The following ZNF530 variants were observed in gnomAD, a reference collection of about 807,000 sequenced individuals.
The protein encoded by ZNF530 is zinc finger protein 530.
Under a neutral mutation model 2.8 loss-of-function variants are expected in ZNF530, and 5 were observed. The observed-to-expected ratio is 1.80, with a 90% CI of 0.94 to 3.78. ZNF530 has a LOEUF of 3.78. ZNF530 is among the 30% of genes most tolerant of loss of function. The pLI, the probability that ZNF530 is intolerant of heterozygous loss-of-function variation, is 0.00. For missense variants in ZNF530, 619 were observed against 673.3 expected (o/e 0.92, Z 0.89); for synonymous variants, 229 against 235.0 (o/e 0.97, Z 0.23).
chr19:57,605,593 C>A, intron 3 of ZNF530, 93 bp from the exon 4 acceptor site: 1 of 1,326,682 alleles, frequency 7.5e-7, no homozygotes, highest in Non-Finnish European at 1.0e-6. Flanking sequence ...ATCCTAAAAA[C>A]ATTTTCTTAG....
chr19:57,603,021 G>A (rs563181835), intron 2 of ZNF530, among the ~76,000 whole-genome samples: 16 of 152,272 alleles, frequency 1.1e-4, no homozygotes, highest in Admixed American at 7.8e-4. Flanking sequence ...CTCCCAAGTA[G>A]CTGGGATTAC....
chr19:57,601,861 G>A (rs1324180906), intron 2 of ZNF530, among the ~76,000 whole-genome samples: 1 of 152,142 alleles, frequency 6.6e-6, no homozygotes, highest in Non-Finnish European at 1.5e-5. Flanking sequence ...CAGGAGGGAG[G>A]CACCAGTCTC....
At chr19:57,604,172 G>A (rs183415720) in intron 2 of ZNF530, 105 bp from the exon 3 acceptor site, 5 of 1,524,930 alleles carry the variant, frequency 3.3e-6, no homozygotes, top group African/African-American at 2.7e-5. Context: ...TATTCGCTGA[G>A]GTGGGGAGAT....
rs200955052 is a variant in ZNF530 at position 57,606,900 on chromosome 19, A to G, written c.1276A>G (p.Lys426Glu). ...GLFRHRRAHTKTKPYECSECE... is the reference protein window; with the variant it reads ...GLFRHRRAHTETKPYECSECE... ...CTTTCGACACAGAAGAGCTCACACTAAAACAAAGCCTTATGAGTGCAGTGA... is the reference window on the plus strand; with the variant it reads ...CTTTCGACACAGAAGAGCTCACACTGAAACAAAGCCTTATGAGTGCAGTGA... Residue 426 changes from lysine to glutamate, a missense_variant, in exon 4 of 4, where the codon AAA (lysine) becomes GAA (glutamate). Lys to Glu is a moderately conservative substitution (Grantham distance 56). Transcript: ENST00000597700. The G allele has an allele frequency of 1.2e-6, 2 of 1,612,298 alleles. No individual in the cohort carries two copies. The highest frequency in any genetic ancestry group is 1.7e-5 in the Admixed American group (1 of 59,790).
chr19:57,607,444 A>G lies in ZNF530; in HGVS notation c.*119A>G. The G allele has an allele frequency of 2.0e-6, 2 of 1,011,344 alleles. No individual in the cohort carries two copies. Among genetic ancestry groups the G allele is most frequent in the Non-Finnish European group, 2.8e-6 (2 of 710,602 alleles). The allele number at this position is 1,011,344 out of a possible 1,614,324, so 62.6% of individuals were successfully genotyped here. A position where few individuals can be genotyped will look rare whatever the true frequency, so the allele number is the denominator to read the frequency against. Reference sequence around the variant, plus strand: ...ACTGCAACCTCCGCCTCCTGGGATCAAGTGATTCTCCTGCCACAGCCTCCT... The same window carrying G: ...ACTGCAACCTCCGCCTCCTGGGATCGAGTGATTCTCCTGCCACAGCCTCCT... On this transcript the variant is annotated 3_prime_UTR_variant, in exon 4 of 4. Coordinates refer to ENST00000597700, the MANE Select transcript of ZNF530 (RefSeq NM_001321981.2).
At chr19:57,611,678 C>T (rs1980884474), downstream of ZNF530, among the ~76,000 whole-genome samples, 1 of 151,940 alleles carries the variant, frequency 6.6e-6, no homozygotes, top group East Asian at 1.9e-4. Flanking sequence ...ACTCTTTTCC[C>T]TCCTGGTACC....
At position 57,607,208 on chromosome 19, in the gene ZNF530, C is replaced by A; in HGVS notation, c.1584C>A (p.His528Gln). 2 of 1,614,094 alleles carry A rather than the reference C, an allele frequency of 1.2e-6. No homozygotes were observed. Among genetic ancestry groups the A allele is most frequent in the Non-Finnish European group, 1.7e-6 (2 of 1,180,036 alleles). ...GGAAATCTTTTACCCGCAAAAATCA[C>A]CTCATTCAACACAAGACAGTTCACA... ...ECGKSFTRKNHLIQHKTVHTG... is the reference protein window; with the variant it reads ...ECGKSFTRKNQLIQHKTVHTG... The change falls in exon 4 of 4, where the codon CAC becomes CAA. Residue 528 changes from histidine (H) to glutamine (Q), a missense_variant. Transcript: ENST00000597700.
rs201516823 is a variant in ZNF530 at position 57,606,358 on chromosome 19, G to A, written c.734G>A (p.Arg245His). Residue 245 changes from arginine (R) to histidine (H), a missense_variant, in exon 4 of 4, where the codon CGC (arginine) becomes CAC (histidine). By Grantham distance (29) the Arg-to-His change is conservative (BLOSUM62 0). Coordinates refer to ENST00000597700, the MANE Select transcript of ZNF530 (RefSeq NM_001321981.2). ...AGTGAATGTGGGAAATCATTTAGTC[G>A]CAAAACTCACCTAACTCAACACCAA... ...ECSECGKSFSRKTHLTQHQRV... is the reference protein window; with the variant it reads ...ECSECGKSFSHKTHLTQHQRV... 222 of 1,613,752 alleles carry A rather than the reference G, an allele frequency of 1.4e-4. 1 individual carries two copies. The East Asian group carries it at 1.6e-3, about 12-fold the overall frequency.
rs867469627 is a variant in ZNF530, at chr19:57,609,235, G to A, written c.*1910G>A. ...AATCCCAGCTGCTCTGAAGGCTGAC[G>A]CACCAAGAATAGCTTGAACCCGGAA... On this transcript the variant is annotated 3_prime_UTR_variant, in exon 4 of 4. Transcript: ENST00000597700. Among the ~76,000 whole-genome samples the A allele has an allele frequency of 6.6e-6, 1 of 151,610 alleles. No homozygotes were observed. Among genetic ancestry groups the A allele is most frequent in the African/African-American group, 2.4e-5 (1 of 41,230 alleles).
Position 57,606,374 on chromosome 19 carries a change from T to G in ZNF530, c.750T>G (p.Thr250=). ...CATTTAGTCGCAAAACTCACCTAAC[T>G]CAACACCAAAGAGTTCACACTGGAG... The part of the protein sequence containing the change: ...GKSFSRKTHL[T]QHQRVHTGER... The change falls in exon 4 of 4, where the codon ACT becomes ACG. Residue 250 remains threonine (T), a synonymous_variant. Coordinates refer to ENST00000597700, the MANE Select transcript of ZNF530 (RefSeq NM_001321981.2). 2 of 1,614,192 alleles carry G rather than the reference T, an allele frequency of 1.2e-6. No homozygotes were observed. The highest frequency in any genetic ancestry group is 1.7e-6 in the Non-Finnish European group (2 of 1,180,036).
chr19:57,606,644 C>T lies in ZNF530; in HGVS notation c.1020C>T (p.His340=), dbSNP rs751604859. ...STNLFRHWRV[H]TGVRPYECSE... ...ACCTCTTTCGACACTGGAGAGTTCACACTGGAGTAAGGCCTTATGAGTGTA... is the reference window on the plus strand; with the variant it reads ...ACCTCTTTCGACACTGGAGAGTTCATACTGGAGTAAGGCCTTATGAGTGTA... Residue 340 remains histidine, a synonymous_variant, in exon 4 of 4, where the codon CAC becomes CAT. Transcript: ENST00000597700. The T allele has an allele frequency of 2.7e-5, 44 of 1,614,044 alleles. No homozygotes were observed. Among genetic ancestry groups the T allele is most frequent in the Non-Finnish European group, 3.6e-5 (43 of 1,180,042 alleles).
rs1980586779 is a variant in ZNF530 at position 57,606,910 on chromosome 19, C to T, written c.1286C>T (p.Pro429Leu). 2 of 1,613,874 alleles carry T rather than the reference C, an allele frequency of 1.2e-6. No homozygotes were observed. The highest frequency in any genetic ancestry group is 1.7e-4 in the Middle Eastern group (1 of 6,056). ...RHRRAHTKTK[P>L]YECSECEKSF... ...AGAAGAGCTCACACTAAAACAAAGC[C>T]TTATGAGTGCAGTGAATGTGAAAAA... The change falls in exon 4 of 4, where the codon CCT (proline) becomes CTT (leucine). Residue 429 changes from proline to leucine, a missense_variant. By Grantham distance (98) the Pro-to-Leu change is moderately conservative (BLOSUM62 -3). Transcript: ENST00000597700.
At chr19:57,611,621 CA>C (rs1568628006), downstream of ZNF530, among the ~76,000 whole-genome samples, 1 of 152,146 alleles carries the variant, frequency 6.6e-6, no homozygotes, top group East Asian at 1.9e-4. Flanking sequence ...GAAACCTTAT[CA>C]GGGGTTGTGG....
intron 3 of ZNF530, 114 bp downstream of exon 3, chr19:57,604,520 T>C (rs1442807809): frequency 1.4e-6 from 2 of 1,402,824 alleles, no homozygotes; most frequent in Non-Finnish European, 1.9e-6. Context: ...ACCTTCCCAC[T>C]TTCTTGGCAT....
downstream of ZNF530, chr19:57,612,462 T>C (rs1216525588): frequency 2.5e-6 from 1 of 400,628 alleles, no homozygotes; most frequent in Non-Finnish European, 4.4e-6. Context: ...CTTAATATTC[T>C]GATAGCACTT....
chr19:57,604,685 G>A (rs143498018), intron 3 of ZNF530: 2 of 275,154 alleles, frequency 7.3e-6, no homozygotes, highest in African/African-American at 2.2e-5. Context: ...GCTTTCTCCA[G>A]TTCTAGGATG....
chr19:57,604,485 T>G, intron 3 of ZNF530, 79 bp downstream of exon 3: 5 of 1,540,716 alleles, frequency 3.2e-6, no homozygotes, highest in Non-Finnish European at 4.4e-6. Flanking sequence ...CTGTCCTTTC[T>G]TCAGTTAGAC....
chr19:57,611,757 G>A (rs1980887504), downstream of ZNF530, among the ~76,000 whole-genome samples: 2 of 151,974 alleles, frequency 1.3e-5, no homozygotes, highest in African/African-American at 4.8e-5. Flanking sequence ...ATGAGAGCTG[G>A]ACATCTCGGG....
chr19:57,601,664 A>G (rs1980247717), intron 2 of ZNF530, among the ~76,000 whole-genome samples: 1 of 152,218 alleles, frequency 6.6e-6, no homozygotes, highest in African/African-American at 2.4e-5. Flanking sequence ...ATGGAGCCCT[A>G]TGTCTGTTAG....
Sources: gnomAD v4.1 joint callset for allele counts (sites outside exome capture counted in the v4.1 genomes callset) on GRCh38, gnomAD v4.1.1 for gene constraint, MANE v1.5 for transcripts, NCBI Gene and HGNC (gene_info 2026-07-23, HGNC 2026-07-21) for gene names.